Variants in ECE1 observed in about 807,000 individuals in gnomAD.
ECE1 encodes the protein endothelin converting enzyme 1.
ECE1 carries 35 observed loss-of-function variants against 98.6 expected under a neutral mutation model. The ratio of observed to expected loss-of-function variants is 0.35; its 90% confidence interval spans 0.27 to 0.47. The LOEUF is 0.47. Ranked by LOEUF, ECE1 falls within the 20% of genes least tolerant of loss-of-function variation. The pLI, the probability that ECE1 is intolerant of heterozygous loss-of-function variation, is 1.00. For missense variants in ECE1, 814 were observed against 1,025.3 expected (o/e 0.79, Z 2.81); for synonymous variants, 394 against 407.1 (o/e 0.97, Z 0.39).
In ECE1 at chr1:21,315,789, C is replaced by CAAAAA. The variant is rs754647376; in HGVS notation, c.4-25638_4-25634dup. 3.6e-3 allele frequency among the ~76,000 whole-genome samples: 172 copies of CAAAAA among 47,262 alleles called. 1 individual carries two copies. Among genetic ancestry groups the CAAAAA allele is most frequent in the African/African-American group, 0.012 (158 of 12,698 alleles). The allele number at this position is 47,262 out of a possible 152,430, so 31.0% of individuals were successfully genotyped here. On this transcript the variant is annotated intron_variant, in intron 1 of 18. Coordinates refer to the ECE1 transcript ENST00000415912. ...TGGGTGACAGAGCAAGACTCTGTCT[C>CAAAAA]AAAAAAAAAAAAAAAAAAAAAAAGC...
chr1:21,261,150 T>A (rs2098226375), intron 4 of ECE1, among the ~76,000 whole-genome samples: 1 of 152,240 alleles, frequency 6.6e-6, no homozygotes, highest in African/African-American at 2.4e-5. Context: ...GCTCTGTGCA[T>A]GAGCCTTCTT....
Position 21,235,994 on chromosome 1 carries a change from G to A in ECE1, c.1489-67C>T. 1 of 1,475,844 alleles carries A rather than the reference G, an allele frequency of 6.8e-7. No individual in the cohort carries two copies. The highest frequency in any genetic ancestry group is 1.7e-5 in the Admixed American group (1 of 59,870). 91.4% of individuals were successfully genotyped at this position (1,475,844 alleles called of 1,614,324 possible). Reference sequence around the variant, plus strand: ...GACCAGGCCAGCCTGAGCAACTTGGGTGCTGGGCTCATAGTCTGGGCCAAG... The same window carrying A: ...GACCAGGCCAGCCTGAGCAACTTGGATGCTGGGCTCATAGTCTGGGCCAAG... On this transcript the variant is annotated intron_variant, in intron 12 of 18. Coordinates refer to ENST00000374893, the MANE Select transcript of ECE1 (RefSeq NM_001397.3). The surrounding 1 kb of genome is among the most constrained non-coding windows in gnomAD (Gnocchi z 4.2).
At chr1:21,268,571 G>C (rs1400900024) in intron 4 of ECE1, among the ~76,000 whole-genome samples, 1 of 152,240 alleles carries the variant, frequency 6.6e-6, no homozygotes. Flanking sequence ...CAAGCAGATG[G>C]TAATAACTAT....
intron 3 of ECE1, among the ~76,000 whole-genome samples, chr1:21,277,031 C>T (rs1437167435): frequency 6.6e-6 from 1 of 152,174 alleles, no homozygotes; most frequent in Non-Finnish European, 1.5e-5. Flanking sequence ...TTTGCTTTGA[C>T]TGGCCTGATG....
intron 15 of ECE1, 144 bp downstream of exon 15, chr1:21,227,787 T>C: frequency 1.5e-6 from 1 of 648,254 alleles, no homozygotes; most frequent in South Asian, 1.8e-5. Context: ...TGGGTGAGGA[T>C]GTTGCTTCCT....
chr1:21,260,184 A>G lies in ECE1; in HGVS notation c.615+87T>C. The G allele has an allele frequency of 6.3e-7, 1 of 1,587,526 alleles. No individual in the cohort carries two copies. The highest frequency in any genetic ancestry group is 8.6e-7 in the Non-Finnish European group (1 of 1,156,850). ...ACCGGCTGGACGTATGAGGTGGGCC[A>G]GTGGTACCAGAAGGCTGGAGTGGAA... On this transcript the variant is annotated intron_variant, in intron 5 of 18. Coordinates refer to ENST00000374893, the MANE Select transcript of ECE1 (RefSeq NM_001397.3). The surrounding 1 kb of genome is among the most constrained non-coding windows in gnomAD (Gnocchi z 4.3).
chr1:21,261,118 A>G (rs1031484469), intron 4 of ECE1, among the ~76,000 whole-genome samples: 5 of 152,110 alleles, frequency 3.3e-5, no homozygotes, highest in Non-Finnish European at 7.4e-5. Context: ...TCAGGTCCAC[A>G]AGGGACCCAC....
chr1:21,259,600 G>A (rs1376022793), intron 5 of ECE1, among the ~76,000 whole-genome samples: 1 of 152,106 alleles, frequency 6.6e-6, no homozygotes, highest in Non-Finnish European at 1.5e-5. Flanking sequence ...GAGAGGAGGG[G>A]ACTAGCATAG....
chr1:21,309,925 G>A (rs1171449765), intron 1 of ECE1, among the ~76,000 whole-genome samples: 2 of 152,040 alleles, frequency 1.3e-5, no homozygotes, highest in Admixed American at 1.3e-4. Flanking sequence ...CCGAGTAGGT[G>A]GGACTACAGG....
chr1:21,219,260 C>T lies in ECE1; in HGVS notation c.*695G>A, dbSNP rs1457866307. 1 of 152,708 alleles carries T rather than the reference C, an allele frequency of 6.5e-6. No homozygotes were observed. Among genetic ancestry groups the T allele is most frequent in the Non-Finnish European group, 1.5e-5 (1 of 68,426 alleles). 9.5% of individuals were successfully genotyped at this position (152,708 alleles called of 1,614,324 possible). ...GGCAGGCTAGCTGAAGGGGCAGTGC[C>T]CATGAGCTGGGCCCCCCGCAGAGCA... On this transcript the variant is annotated 3_prime_UTR_variant, in exon 19 of 19. Transcript: ENST00000374893. The surrounding 1 kb of genome is among the most constrained non-coding windows in gnomAD (Gnocchi z 4.5).
chr1:21,324,188 C>A (rs889572610), intron 1 of ECE1, among the ~76,000 whole-genome samples: 4 of 152,106 alleles, frequency 2.6e-5, no homozygotes, highest in Non-Finnish European at 1.5e-5. Context: ...TTGACCATAG[C>A]CCATGCAGCC....
At chr1:21,222,032 T>G in intron 17 of ECE1, 190 bp from the exon 18 acceptor site, 1 of 633,426 alleles carries the variant, frequency 1.6e-6, no homozygotes, top group Non-Finnish European at 2.8e-6. Flanking sequence ...TTAAAATACC[T>G]TCTACGCACT....
Position 21,322,969 on chromosome 1 carries a change from C to G in ECE1, c.3+22407G>C, listed in dbSNP as rs551621526. On this transcript the variant is annotated intron_variant, in intron 1 of 18. Coordinates refer to the ECE1 transcript ENST00000415912. This position sits in a 1 kb window ranked among gnomAD's most constrained non-coding sequence, Gnocchi z 4.1. Reference sequence around the variant, plus strand: ...CCAAAAACAAGGCTGCTTACACTTTCCCAAAGCACCCACATGGCAGAGGAG... The same window carrying G: ...CCAAAAACAAGGCTGCTTACACTTTGCCAAAGCACCCACATGGCAGAGGAG... Among the ~76,000 whole-genome samples the G allele has an allele frequency of 2.2e-3, 334 of 152,282 alleles. 2 individuals carry two copies. The highest frequency in any genetic ancestry group is 7.7e-3 in the African/African-American group (322 of 41,552).
At chr1:21,302,552 C>A (rs1016621164) in intron 1 of ECE1, among the ~76,000 whole-genome samples, 4 of 152,148 alleles carry the variant, frequency 2.6e-5, no homozygotes, top group Non-Finnish European at 2.9e-5. Context: ...AAGATAAGGG[C>A]CAGAGAGGAT....
rs768711426 is a variant in ECE1 at position 21,319,332 on chromosome 1, G to A, written c.3+26044C>T. On this transcript the variant is annotated intron_variant, in intron 1 of 18. Transcript: ENST00000415912. This position sits in a 1 kb window ranked among gnomAD's most constrained non-coding sequence, Gnocchi z 4.4. ...TGCTTTCCAGCCTGGGAGACAGAGC[G>A]AGACTCCGTCTCAAAATAATAATAA... Among the ~76,000 whole-genome samples, 1 of 152,078 alleles carries A rather than the reference G, an allele frequency of 6.6e-6. No homozygotes were observed. The highest frequency in any genetic ancestry group is 1.5e-5 in the Non-Finnish European group (1 of 68,026).
intron 1 of ECE1, among the ~76,000 whole-genome samples, chr1:21,296,309 G>A (rs1330426011): frequency 6.6e-6 from 1 of 151,890 alleles, no homozygotes; most frequent in Non-Finnish European, 1.5e-5. Flanking sequence ...AGCAGTTTGC[G>A]ACCAACCTGG....
intron 1 of ECE1, among the ~76,000 whole-genome samples, chr1:21,303,958 G>A (rs1354714516): frequency 1.3e-5 from 2 of 150,020 alleles, no homozygotes; most frequent in Non-Finnish European, 3.0e-5. Flanking sequence ...GCTTAGAAAA[G>A]TTTTTGAAAT....
chr1:21,341,379 T>C (rs745794178), intron 1 of ECE1, among the ~76,000 whole-genome samples: 22 of 152,316 alleles, frequency 1.4e-4, no homozygotes, highest in Non-Finnish European at 2.4e-4. Context: ...ACCCAGTCAA[T>C]TGGAGAGAAA....
chr1:21,314,596 A>G (rs1638794896), intron 1 of ECE1, among the ~76,000 whole-genome samples: 1 of 152,226 alleles, frequency 6.6e-6, no homozygotes, highest in African/African-American at 2.4e-5. Context: ...CAGCCCAGTC[A>G]GGAAATCAAG....
Sources: allele counts gnomAD v4.1 joint callset (sites outside exome capture counted in the v4.1 genomes callset), GRCh38; gene constraint gnomAD v4.1.1; non-coding constraint Gnocchi (gnomAD v3.1); transcripts MANE v1.5; gene names NCBI Gene and HGNC (gene_info 2026-07-23, HGNC 2026-07-21).